Variants in PTPRT observed in about 807,000 individuals in gnomAD.
PTPRT encodes the protein receptor-type tyrosine-protein phosphatase T.
A neutral mutation model predicts 176.8 loss-of-function variants in PTPRT; 56 were observed. That is an observed-to-expected ratio of 0.32 (90% CI 0.26 to 0.40). PTPRT has a LOEUF of 0.40. Ranked by LOEUF, PTPRT falls within the 10% of genes least tolerant of loss-of-function variation. The probability of loss-of-function intolerance (pLI) is 1.00; values close to 1 mark genes in which losing one functional copy is unlikely to be tolerated. For synonymous variants in PTPRT, 783 were observed against 739.0 expected (o/e 1.06, Z -0.96); for missense variants, 1,540 against 1,908.2 (o/e 0.81, Z 3.60).
chr20:42,038,469 C>T, the PTPRT span, among the ~76,000 whole-genome samples: 136 of 152,274 alleles, frequency 8.9e-4, 3 homozygotes, highest in East Asian at 0.023. Flanking sequence ...GGTGTCTGAG[C>T]AGGGCCTGGA....
intron 1 of PTPRT, among the ~76,000 whole-genome samples, chr20:43,177,613 G>T (rs1313998033): frequency 6.6e-6 from 1 of 152,158 alleles, no homozygotes; most frequent in Non-Finnish European, 1.5e-5. Flanking sequence ...ATAAAGAAAT[G>T]CTTCAATGCT....
intron 7 of PTPRT, among the ~76,000 whole-genome samples, chr20:42,487,066 A>G (rs1187458291): frequency 1.3e-5 from 2 of 152,198 alleles, no homozygotes; most frequent in Non-Finnish European, 2.9e-5. Flanking sequence ...CACATAGTAC[A>G]GGCTTGATCC....
At chr20:42,661,329 G>A (rs910660155) in intron 7 of PTPRT, among the ~76,000 whole-genome samples, 4 of 151,982 alleles carry the variant, frequency 2.6e-5, no homozygotes, top group Admixed American at 6.6e-5. Context: ...GAGACTAAAG[G>A]GCATATGGAG....
At chr20:42,959,957 G>T (rs1981893475) in intron 1 of PTPRT, among the ~76,000 whole-genome samples, 1 of 152,092 alleles carries the variant, frequency 6.6e-6, no homozygotes, top group Non-Finnish European at 1.5e-5. Flanking sequence ...CTCATCCCAT[G>T]CTCAGGTTCC....
the PTPRT span, among the ~76,000 whole-genome samples, chr20:42,046,833 A>G: frequency 5.3e-4 from 81 of 151,870 alleles, no homozygotes; most frequent in Non-Finnish European, 1.1e-3. Flanking sequence ...GGAGGGAGGG[A>G]CACAGGATTC....
intron 1 of PTPRT, among the ~76,000 whole-genome samples, chr20:43,090,768 C>A (rs1391595494): frequency 2.0e-5 from 3 of 151,480 alleles, no homozygotes; most frequent in Admixed American, 2.0e-4. Flanking sequence ...CATGAAAGAC[C>A]ATACCATGAA....
chr20:42,334,036 A>G (rs1217400216), intron 11 of PTPRT, among the ~76,000 whole-genome samples: 1 of 152,192 alleles, frequency 6.6e-6, no homozygotes, highest in African/African-American at 2.4e-5. Context: ...ACCCACATAA[A>G]CAAAAGTTCT....
At position 42,693,956 on chromosome 20, in the gene PTPRT, A is replaced by T. The variant is rs537184623; in HGVS notation, c.860-15797T>A. On this transcript the variant is annotated intron_variant, in intron 6 of 30. Transcript: ENST00000373187. ...AAATTTTGTTATTTCCAAAAAGACAATATATAATCTCTTGGGACTGTTTTT... is the reference window on the plus strand; with the variant it reads ...AAATTTTGTTATTTCCAAAAAGACATTATATAATCTCTTGGGACTGTTTTT... Among the ~76,000 whole-genome samples the T allele has an allele frequency of 6.6e-5, 10 of 152,104 alleles. 1 individual carries two copies. The highest frequency in any genetic ancestry group is 3.4e-3 in the Middle Eastern group (1 of 292).
At chr20:42,417,298 G>A (rs1375888746) in intron 9 of PTPRT, among the ~76,000 whole-genome samples, 2 of 152,058 alleles carry the variant, frequency 1.3e-5, no homozygotes, top group African/African-American at 4.8e-5. Flanking sequence ...CCGCACCTCA[G>A]CCCTTCCTAT....
At chr20:42,467,593 T>G (rs1233868981) in intron 8 of PTPRT, among the ~76,000 whole-genome samples, 1 of 152,190 alleles carries the variant, frequency 6.6e-6, no homozygotes, top group African/African-American at 2.4e-5. Context: ...AGCATAAAGT[T>G]CTTATTTTTA....
chr20:42,703,870 G>A (rs567135392), intron 6 of PTPRT, among the ~76,000 whole-genome samples: 1 of 151,562 alleles, frequency 6.6e-6, no homozygotes, highest in African/African-American at 2.4e-5. Context: ...CTGTCATCCG[G>A]GGTTTGGTCC....
chr20:42,046,054 G>A, the PTPRT span, among the ~76,000 whole-genome samples: 2 of 152,206 alleles, frequency 1.3e-5, no homozygotes, highest in Admixed American at 1.3e-4. Flanking sequence ...TCATGGAGGT[G>A]AGGAAGTGGG....
chr20:42,567,129 C>A (rs955816671), intron 7 of PTPRT, among the ~76,000 whole-genome samples: 2 of 151,838 alleles, frequency 1.3e-5, no homozygotes, highest in African/African-American at 4.8e-5. Flanking sequence ...AAAAATTAGC[C>A]GGGCATGGTG....
At chr20:42,945,871 A>C (rs1980853471) in intron 1 of PTPRT, among the ~76,000 whole-genome samples, 1 of 151,824 alleles carries the variant, frequency 6.6e-6, no homozygotes, top group Non-Finnish European at 1.5e-5. Flanking sequence ...TTAAGCAGTC[A>C]CTCCAGTTCC....
the PTPRT span, among the ~76,000 whole-genome samples, chr20:42,058,581 C>A: frequency 1.3e-5 from 2 of 152,172 alleles, no homozygotes; most frequent in African/African-American, 4.8e-5. Flanking sequence ...TGAGGAGAGT[C>A]TATGAAGAAA....
intron 1 of PTPRT, among the ~76,000 whole-genome samples, chr20:42,888,627 T>A (rs1275576659): frequency 1.3e-5 from 2 of 152,160 alleles, no homozygotes; most frequent in Admixed American, 1.3e-4. Flanking sequence ...GAGAGAGAAT[T>A]ATTCCCCCAA....
intron 1 of PTPRT, among the ~76,000 whole-genome samples, chr20:42,994,610 A>G (rs535425696): frequency 3.3e-5 from 5 of 152,344 alleles, no homozygotes; most frequent in African/African-American, 1.2e-4. Context: ...GTTAGAGCTT[A>G]TTGGTATTGC....
intron 7 of PTPRT, among the ~76,000 whole-genome samples, chr20:42,556,116 C>T (rs2072856714): frequency 6.6e-6 from 1 of 152,160 alleles, no homozygotes; most frequent in Non-Finnish European, 1.5e-5. Context: ...TTTCTCTCTG[C>T]GTTTGTTCAC....
At chr20:42,695,124 T>C (rs1002420442) in intron 6 of PTPRT, among the ~76,000 whole-genome samples, 2 of 152,218 alleles carry the variant, frequency 1.3e-5, no homozygotes, top group African/African-American at 4.8e-5. Flanking sequence ...TTCTAGACAT[T>C]AGTCCTTTGT....
Sources: gnomAD v4.1 joint callset for allele counts (sites outside exome capture counted in the v4.1 genomes callset) on GRCh38, gnomAD v4.1.1 for gene constraint, MANE v1.5 for transcripts, NCBI Gene and HGNC (gene_info 2026-07-23, HGNC 2026-07-21) for gene names.